Variants in KCNIP4 observed in about 807,000 individuals in gnomAD.
KCNIP4 encodes potassium voltage-gated channel interacting protein 4.
In KCNIP4, 12 loss-of-function variants were observed where a neutral mutation model predicts 34.0. The observed-to-expected ratio is 0.35, with a 90% CI of 0.23 to 0.57. The LOEUF is 0.57. Ranked by LOEUF, KCNIP4 falls within the 20% of genes least tolerant of loss-of-function variation. KCNIP4 has a pLI of 0.83. For missense variants in KCNIP4, 238 were observed against 311.7 expected (o/e 0.76, Z 1.78); for synonymous variants, 124 against 102.2 (o/e 1.21, Z -1.29).
intron 1 of KCNIP4, among the ~76,000 whole-genome samples, chr4:21,308,053 A>T (rs531154365): frequency 6.6e-6 from 1 of 152,358 alleles, no homozygotes; most frequent in Admixed American, 6.5e-5. Context: ...TTACTTAACT[A>T]CATATGCAAC....
chr4:21,109,250 C>T (rs531485472), intron 1 of KCNIP4, among the ~76,000 whole-genome samples: 1 of 152,276 alleles, frequency 6.6e-6, no homozygotes, highest in South Asian at 2.1e-4. Flanking sequence ...GTGGTGGGCT[C>T]CACCCAGTTC....
At chr4:20,899,706 G>A (rs1251903542) in intron 1 of KCNIP4, among the ~76,000 whole-genome samples, 3 of 152,130 alleles carry the variant, frequency 2.0e-5, no homozygotes, top group African/African-American at 4.8e-5. Context: ...TTCAAAGCTG[G>A]CTGGCTGAAT....
At chr4:21,252,131 T>G (rs1389095100) in intron 1 of KCNIP4, among the ~76,000 whole-genome samples, 1 of 80,754 alleles carries the variant, frequency 1.2e-5, no homozygotes, top group East Asian at 3.0e-4. Context: ...GAGGTTTTGT[T>G]TTTTTTTTTT....
At chr4:21,586,137 C>A (rs1741589243) in intron 1 of KCNIP4, among the ~76,000 whole-genome samples, 1 of 151,888 alleles carries the variant, frequency 6.6e-6, no homozygotes, top group African/African-American at 2.4e-5. Flanking sequence ...AATGTTGGGA[C>A]AAAAAAGGCA....
At chr4:21,257,125 T>A (rs1425810919) in intron 1 of KCNIP4, among the ~76,000 whole-genome samples, 1 of 152,112 alleles carries the variant, frequency 6.6e-6, no homozygotes, top group Non-Finnish European at 1.5e-5. Flanking sequence ...CTCTTAAATT[T>A]GGTGCTTGAG....
intron 1 of KCNIP4, among the ~76,000 whole-genome samples, chr4:21,420,090 C>T (rs965013448): frequency 1.4e-4 from 21 of 152,024 alleles, no homozygotes; most frequent in African/African-American, 4.1e-4. Context: ...TGTATCCTCA[C>T]GAAATAGACA....
At chr4:21,881,792 A>T (rs553384552) in intron 1 of KCNIP4, among the ~76,000 whole-genome samples, 42 of 152,300 alleles carry the variant, frequency 2.8e-4, no homozygotes, top group African/African-American at 8.9e-4. Context: ...CAAAACAACA[A>T]CTTTAAAATC....
chr4:20,879,621 A>T (rs1724459230), intron 2 of KCNIP4, among the ~76,000 whole-genome samples: 1 of 152,212 alleles, frequency 6.6e-6, no homozygotes, highest in Non-Finnish European at 1.5e-5. Flanking sequence ...GCTTCTTTTA[A>T]TGCTTTCGTT....
intron 2 of KCNIP4, among the ~76,000 whole-genome samples, chr4:20,869,661 G>T (rs1303995826): frequency 6.6e-6 from 1 of 151,836 alleles, no homozygotes; most frequent in Non-Finnish European, 1.5e-5. Flanking sequence ...TTATAAACTG[G>T]GGATAATATT....
chr4:21,803,158 G>C (rs1358725167), intron 1 of KCNIP4, among the ~76,000 whole-genome samples: 1 of 152,104 alleles, frequency 6.6e-6, no homozygotes, highest in Non-Finnish European at 1.5e-5. Context: ...GGTAGTAAAC[G>C]TGCCATGCAT....
chr4:21,124,615 C>G (rs753373354), intron 1 of KCNIP4, among the ~76,000 whole-genome samples: 6 of 152,040 alleles, frequency 3.9e-5, no homozygotes, highest in Admixed American at 6.6e-5. Context: ...CACATTATCC[C>G]CATATTCCTG....
intron 1 of KCNIP4, among the ~76,000 whole-genome samples, chr4:21,534,654 C>T (rs1737002654): frequency 6.6e-6 from 1 of 152,084 alleles, no homozygotes; most frequent in South Asian, 2.1e-4. Context: ...ATTTTCAGCC[C>T]TCCAGTGCTT....
chr4:20,949,638 G>T (rs1440181594), intron 1 of KCNIP4, among the ~76,000 whole-genome samples: 2 of 151,960 alleles, frequency 1.3e-5, no homozygotes, highest in Non-Finnish European at 2.9e-5. Context: ...ACTGGATTAA[G>T]AAAATGTGGC....
intron 1 of KCNIP4, among the ~76,000 whole-genome samples, chr4:20,985,278 T>C (rs1736466042): frequency 6.6e-6 from 1 of 152,174 alleles, no homozygotes; most frequent in African/African-American, 2.4e-5. Flanking sequence ...TCATTTAAAG[T>C]TCTCCATTTA....
At chr4:20,968,452 A>C (rs939024046) in intron 1 of KCNIP4, among the ~76,000 whole-genome samples, 1 of 152,226 alleles carries the variant, frequency 6.6e-6, no homozygotes, top group African/African-American at 2.4e-5. Context: ...ATTATAAATC[A>C]TGCTATTATA....
chr4:20,942,428 G>A (rs1002821366), intron 1 of KCNIP4, among the ~76,000 whole-genome samples: 3 of 152,206 alleles, frequency 2.0e-5, no homozygotes, highest in Non-Finnish European at 4.4e-5. Context: ...CTCCAAGGAT[G>A]CAGAGGCAGT....
chr4:21,132,718 A>AT (rs1265203101), intron 1 of KCNIP4, among the ~76,000 whole-genome samples: 3 of 151,974 alleles, frequency 2.0e-5, no homozygotes, highest in Non-Finnish European at 4.4e-5. Flanking sequence ...TAGAATAAGA[A>AT]ATTTTTGCGG....
chr4:21,348,119 G>T (rs1486427121), intron 1 of KCNIP4, among the ~76,000 whole-genome samples: 1 of 152,128 alleles, frequency 6.6e-6, no homozygotes, highest in South Asian at 2.1e-4. Context: ...AGTTATTCAT[G>T]GTATCCTTAC....
At chr4:21,808,527 A>G (rs1411360440) in intron 1 of KCNIP4, among the ~76,000 whole-genome samples, 1 of 152,206 alleles carries the variant, frequency 6.6e-6, no homozygotes, top group Non-Finnish European at 1.5e-5. Context: ...TGTGTTAATT[A>G]ACTGTTTATG....
Sources: allele counts gnomAD v4.1 joint callset (sites outside exome capture counted in the v4.1 genomes callset), GRCh38; gene constraint gnomAD v4.1.1; transcripts MANE v1.5; gene names NCBI Gene and HGNC (gene_info 2026-07-23, HGNC 2026-07-21).